The following NEFH variants were observed in gnomAD, a reference collection of about 807,000 sequenced individuals.
NEFH encodes the protein neurofilament heavy chain.
A neutral mutation model predicts 56.6 loss-of-function variants in NEFH; 58 were observed. That is an observed-to-expected ratio of 1.03 (90% CI 0.83 to 1.28). The LOEUF (loss-of-function observed/expected upper bound fraction) is 1.28, where lower values mean the gene tolerates loss of function less well. NEFH is among the 50% of genes most tolerant of loss of function. The pLI is 0.00. For synonymous variants in NEFH, 542 were observed against 545.8 expected (o/e 0.99, Z 0.10); for missense variants, 1,221 against 1,307.6 (o/e 0.93, Z 1.02).
chr22:29,490,490 A>G lies in NEFH; in HGVS notation c.2850A>G (p.Ala950=), dbSNP rs1357875973. Reference sequence around the variant, plus strand: ...GCAAACCAGCAGAGAAGAAGGAGGCAGCACCGGAGAAAAAAGACACCAAGG... The same window carrying G: ...GCAAACCAGCAGAGAAGAAGGAGGCGGCACCGGAGAAAAAAGACACCAAGG... ...EPSKPAEKKE[A]APEKKDTKEE... The change falls in exon 4 of 4, where the codon GCA becomes GCG. Residue 950 remains alanine (A), a synonymous_variant. Coordinates refer to ENST00000310624, the MANE Select transcript of NEFH (RefSeq NM_021076.4). 3 of 1,589,516 alleles carry G rather than the reference A, an allele frequency of 1.9e-6. No homozygotes were observed. The highest frequency in any genetic ancestry group is 1.7e-6 in the Non-Finnish European group (2 of 1,173,302).
rs191972471 is a variant in NEFH, at chr22:29,490,724, C to T, written c.*21C>T. The T allele has an allele frequency of 1.5e-4, 249 of 1,613,708 alleles. No individual in the cohort carries two copies. The African/African-American group carries it at 2.2e-3, about 14-fold the overall frequency. Reference sequence around the variant, plus strand: ...AGTAAGGCAGGGAGAAAGGAACATCCGGAACAGCCAAAGAAACTCAGAAGA... The same window carrying T: ...AGTAAGGCAGGGAGAAAGGAACATCTGGAACAGCCAAAGAAACTCAGAAGA... On this transcript the variant is annotated 3_prime_UTR_variant, in exon 4 of 4. Coordinates refer to ENST00000310624, the MANE Select transcript of NEFH (RefSeq NM_021076.4).
At chr22:29,485,138 T>C (rs1287272505) in intron 2 of NEFH, among the ~76,000 whole-genome samples, 3 of 152,148 alleles carry the variant, frequency 2.0e-5, no homozygotes, top group Non-Finnish European at 4.4e-5. Context: ...AGTCTCGCTA[T>C]GTCTCCCAGG....
At position 29,489,573 on chromosome 22, in the gene NEFH, G is replaced by A. The variant is rs370929798; in HGVS notation, c.1933G>A (p.Glu645Lys). ...PEKAKSPTKE[E>K]AKSPEKAKSP... Reference sequence around the variant, plus strand: ...AAAGGCCAAGTCTCCAACGAAGGAGGAAGCAAAGTCCCCTGAGAAGGCCAA... The same window carrying A: ...AAAGGCCAAGTCTCCAACGAAGGAGAAAGCAAAGTCCCCTGAGAAGGCCAA... The change falls in exon 4 of 4, where the codon GAA becomes AAA. Residue 645 changes from glutamate (E) to lysine (K), a missense_variant. Around this residue, in one of 4 missense-constraint regions of NEFH, gnomAD observed 37 missense variants for 106.4 expected, o/e 0.35. Coordinates refer to ENST00000310624, the MANE Select transcript of NEFH (RefSeq NM_021076.4). 1 of 548,274 alleles carries A rather than the reference G, an allele frequency of 1.8e-6. No homozygotes were observed. The highest frequency in any genetic ancestry group is 2.6e-6 in the Non-Finnish European group (1 of 379,378). The allele number at this position is 548,274 out of a possible 1,614,324, so 34.0% of individuals were successfully genotyped here.
chr22:29,480,391 C>T lies in NEFH; in HGVS notation c.129C>T (p.Ser43=). ...GAGGTRSAAG[S]SSGFHSWTRT... ...GCGGGACGCGCTCCGCCGCTGGCTC[C>T]TCCAGCGGCTTCCACTCGTGGACAC... is the stretch of plus-strand genomic sequence containing the variant. Residue 43 remains serine, a synonymous_variant, in exon 1 of 4, where the codon TCC becomes TCT. Coordinates refer to ENST00000310624, the MANE Select transcript of NEFH (RefSeq NM_021076.4). The T allele has an allele frequency of 6.5e-7, 1 of 1,537,206 alleles. No homozygotes were observed. The highest frequency in any genetic ancestry group is 8.7e-7 in the Non-Finnish European group (1 of 1,148,832).
At chr22:29,483,864 T>TTTATTTAC (rs1342137926) in intron 2 of NEFH, among the ~76,000 whole-genome samples, 14 of 147,220 alleles carry the variant, frequency 9.5e-5, no homozygotes, top group Admixed American at 2.7e-4. Flanking sequence ...TATTTATTTA[T>TTTATTTAC]TTTGAGATGG....
chr22:29,480,248 G>A lies in NEFH; in HGVS notation c.-15G>A, dbSNP rs1234972928. 11 of 1,497,914 alleles carry A rather than the reference G, an allele frequency of 7.3e-6. No individual in the cohort carries two copies. The highest frequency in any genetic ancestry group is 9.7e-6 in the Non-Finnish European group (11 of 1,133,050). The allele number at this position is 1,497,914 out of a possible 1,614,324, so 92.8% of individuals were successfully genotyped here. ...GCCTCCCGCCCCGTCCCGGCCTCGC[G>A]CACCTGCTCAGGCCATGATGAGCTT... On this transcript the variant is annotated 5_prime_UTR_variant, in exon 1 of 4. Coordinates refer to ENST00000310624, the MANE Select transcript of NEFH (RefSeq NM_021076.4).
Position 29,485,874 on chromosome 22 carries a change from G to C in NEFH, c.1208+27G>C, listed in dbSNP as rs187983020. ...TGAGACGCACAGGGGCTGTCACATG[G>C]TGAAGAAAGCTTGTGTTCCTGCGAG... On this transcript the variant is annotated intron_variant, in intron 3 of 3. Transcript: ENST00000310624. 1.5e-5 allele frequency: 25 copies of C among 1,613,958 alleles called. No homozygotes were observed. The African/African-American group carries it at 2.3e-4, about 15-fold the overall frequency.
At chr22:29,481,859 T>G (rs1055274591) in intron 1 of NEFH, among the ~76,000 whole-genome samples, 5 of 152,196 alleles carry the variant, frequency 3.3e-5, no homozygotes, top group Admixed American at 2.0e-4. Flanking sequence ...GTCAGCTAGA[T>G]TGCGCTGCCC....
rs2063023710 is a variant in NEFH at position 29,483,401 on chromosome 22, G to C, written c.910G>C (p.Ala304Pro). 6.2e-7 allele frequency: 1 copy of C among 1,613,844 alleles called. No individual in the cohort carries two copies. The highest frequency in any genetic ancestry group is 1.3e-5 in the African/African-American group (1 of 75,080). Residue 304 changes from alanine (A) to proline (P), a missense_variant, in exon 2 of 4, where the codon GCC (alanine) becomes CCC (proline). Transcript: ENST00000310624. ...GAGGCTGGACCGACTGTCGGAGGCA[G>C]CCAAGGTGAACACAGACGCTATGCG... is the stretch of plus-strand genomic sequence containing the variant. ...RVRLDRLSEA[A>P]KVNTDAMRSA...
chr22:29,483,459 G>T lies in NEFH; in HGVS notation c.968G>T (p.Arg323Leu), dbSNP rs756952361. 6.2e-7 allele frequency: 1 copy of T among 1,614,018 alleles called. No individual in the cohort carries two copies. The highest frequency in any genetic ancestry group is 8.5e-7 in the Non-Finnish European group (1 of 1,180,024). ...CAGGAGGAGATAACTGAGTACCGGCGTCAGCTGCAGGCCAGGACCACAGAG... is the reference window on the plus strand; with the variant it reads ...CAGGAGGAGATAACTGAGTACCGGCTTCAGCTGCAGGCCAGGACCACAGAG... ...SAQEEITEYR[R>L]QLQARTTELE... Residue 323 changes from arginine to leucine, a missense_variant, in exon 2 of 4, where the codon CGT becomes CTT. Arg to Leu is a moderately radical substitution (Grantham distance 102). This residue lies in a region of NEFH where 640 missense variants were observed against 555.5 expected (regional missense o/e 1.15). Coordinates refer to ENST00000310624, the MANE Select transcript of NEFH (RefSeq NM_021076.4).
At chr22:29,485,339 G>GCCCTC (rs2063038002) in intron 2 of NEFH, among the ~76,000 whole-genome samples, 1 of 152,202 alleles carries the variant, frequency 6.6e-6, no homozygotes, top group Non-Finnish European at 1.5e-5. Context: ...CTGACCTCAA[G>GCCCTC]TGATCCACCC....
At chr22:29,488,736 C>A in intron 3 of NEFH, 113 bp from the exon 4 acceptor site, 6 of 1,017,358 alleles carry the variant, frequency 5.9e-6, no homozygotes, top group South Asian at 2.6e-5. Flanking sequence ...CATTCCTGTT[C>A]CACCAAAACC....
rs1470643500 is a variant in NEFH at position 29,490,705 on chromosome 22, G to A, written c.*2G>A. 6.2e-7 allele frequency: 1 copy of A among 1,614,056 alleles called. No homozygotes were observed. Among genetic ancestry groups the A allele is most frequent in the African/African-American group, 1.3e-5 (1 of 75,048 alleles). ...GACAAGGCCGCCAAGGGGAAGTAAG[G>A]CAGGGAGAAAGGAACATCCGGAACA... On this transcript the variant is annotated 3_prime_UTR_variant, in exon 4 of 4. Transcript: ENST00000310624.
rs748478910 is a variant in NEFH, at chr22:29,480,856, G to A, written c.594G>A (p.Ala198=). Residue 198 remains alanine (A), a synonymous_variant, in exon 1 of 4, where the codon GCG becomes GCA. Coordinates refer to ENST00000310624, the MANE Select transcript of NEFH (RefSeq NM_021076.4). ...EARQREEAEA[A]ARALARFAQE... The stretch of plus-strand genomic sequence containing the variant: ...GGCAGCGAGAGGAGGCCGAGGCGGC[G>A]GCCCGCGCGCTGGCGCGCTTCGCGC... 53 of 1,395,360 alleles carry A rather than the reference G, an allele frequency of 3.8e-5. No homozygotes were observed. The highest frequency in any genetic ancestry group is 7.7e-5 in the African/African-American group (5 of 65,212). 86.4% of individuals were successfully genotyped at this position (1,395,360 alleles called of 1,614,324 possible).
At chr22:29,483,595 C>T (rs1317064820) in intron 2 of NEFH, 21 bp downstream of exon 2, 1 of 1,611,718 alleles carries the variant, frequency 6.2e-7, no homozygotes, top group African/African-American at 1.3e-5. Context: ...GCAAGGCAGA[C>T]AGCCAGACTG....
chr22:29,486,824 A>T (rs1299918179), intron 3 of NEFH, among the ~76,000 whole-genome samples: 1 of 152,154 alleles, frequency 6.6e-6, no homozygotes, highest in South Asian at 2.1e-4. Flanking sequence ...TGCCCAGCCA[A>T]TGAGTCTTGA....
In NEFH at chr22:29,489,092, G is replaced by A; in HGVS notation, c.1452G>A (p.Lys484=). Residue 484 remains lysine (K), a synonymous_variant, in exon 4 of 4, where the codon AAG becomes AAA. Coordinates refer to ENST00000310624, the MANE Select transcript of NEFH (RefSeq NM_021076.4). The part of the protein sequence containing the change: ...EEKEAKEEEG[K]EEEGGEEEEA... Reference sequence around the variant, plus strand: ...AAGAGGCCAAAGAGGAGGAGGGCAAGGAGGAAGAAGGGGGTGAAGAAGAGG... The same window carrying A: ...AAGAGGCCAAAGAGGAGGAGGGCAAAGAGGAAGAAGGGGGTGAAGAAGAGG... 1 of 1,613,436 alleles carries A rather than the reference G, an allele frequency of 6.2e-7. No individual in the cohort carries two copies. The highest frequency in any genetic ancestry group is 8.5e-7 in the Non-Finnish European group (1 of 1,179,606).
chr22:29,485,599 G>A (rs2146396423), intron 2 of NEFH, 124 bp from the exon 3 acceptor site: 2 of 1,195,340 alleles, frequency 1.7e-6, no homozygotes, highest in East Asian at 2.5e-5. Flanking sequence ...GGCAGGGTTG[G>A]GGTTGGCCCC....
chr22:29,480,628 C>A lies in NEFH; in HGVS notation c.366C>A (p.Asn122Lys), dbSNP rs775771283. 1 of 1,563,932 alleles carries A rather than the reference C, an allele frequency of 6.4e-7. No individual in the cohort carries two copies. The highest frequency in any genetic ancestry group is 1.2e-5 in the South Asian group (1 of 86,326). Residue 122 changes from asparagine (N) to lysine (K), a missense_variant, in exon 1 of 4, where the codon AAC becomes AAA. Physicochemically the swap from Asn to Lys is moderately conservative, Grantham distance 94. Transcript: ENST00000310624. The part of the protein sequence containing the change: ...IDKVRQLEAH[N>K]RSLEGEAAAL... ...AGGTGCGGCAGCTGGAGGCGCACAA[C>A]CGCAGCCTGGAGGGCGAGGCTGCGG...
Sources: gnomAD v4.1 joint callset for allele counts (sites outside exome capture counted in the v4.1 genomes callset) on GRCh38, gnomAD v4.1.1 for gene constraint, gnomAD v4.1.1 regional missense constraint, MANE v1.5 for transcripts, NCBI Gene and HGNC (gene_info 2026-07-23, HGNC 2026-07-21) for gene names.